NPHP4: variants seen among roughly 807,000 people sequenced by gnomAD.
The protein encoded by NPHP4 is nephrocystin 4.
NPHP4 carries 151 observed loss-of-function variants against 155.8 expected under a neutral mutation model. The ratio of observed to expected loss-of-function variants is 0.97; its 90% CI spans 0.85 to 1.11. The LOEUF (loss-of-function observed/expected upper bound fraction) is 1.11. NPHP4 is among the 50% of genes least tolerant of loss of function. The probability of loss-of-function intolerance (pLI) is 0.00; values close to 1 mark genes in which losing one functional copy is unlikely to be tolerated. For synonymous variants in NPHP4, 845 were observed against 816.8 expected, an observed-to-expected ratio of 1.03 and a Z score of -0.59; for missense variants, 1,956 against 1,925.7, an observed-to-expected ratio of 1.02 and a Z score of -0.29.
chr1:5,982,390 C>A (rs1010782427), intron 2 of NPHP4, among the ~76,000 whole-genome samples: 1 of 152,202 alleles, frequency 6.6e-6, no homozygotes, highest in African/African-American at 2.4e-5. Flanking sequence ...CTAGAAGCAA[C>A]AGGCTATACC....
At chr1:5,938,477 A>G (rs774830759) in intron 9 of NPHP4, among the ~76,000 whole-genome samples, 6 of 152,186 alleles carry the variant, frequency 3.9e-5, no homozygotes, top group Non-Finnish European at 5.9e-5. Context: ...CAGTCCTCAA[A>G]TCGGATCCAG....
At chr1:5,907,719 A>G (rs1644982384) in intron 12 of NPHP4, among the ~76,000 whole-genome samples, 1 of 152,078 alleles carries the variant, frequency 6.6e-6, no homozygotes, top group Non-Finnish European at 1.5e-5. Flanking sequence ...GAGTGCCCGC[A>G]CCAATGTGGC....
chr1:5,924,571 C>T (rs879690606), intron 11 of NPHP4, among the ~76,000 whole-genome samples: 5 of 152,178 alleles, frequency 3.3e-5, no homozygotes, highest in African/African-American at 1.2e-4. Context: ...GCAGGATCAG[C>T]CCATCAGAGT....
intron 2 of NPHP4, among the ~76,000 whole-genome samples, chr1:5,981,299 T>C (rs960459827): frequency 1.4e-4 from 22 of 152,164 alleles, no homozygotes; most frequent in African/African-American, 5.3e-4. Flanking sequence ...CTACTTCACA[T>C]CCAGTCTATT....
At chr1:5,941,361 T>C (rs970454343) in intron 9 of NPHP4, among the ~76,000 whole-genome samples, 1 of 147,836 alleles carries the variant, frequency 6.8e-6, no homozygotes, top group Non-Finnish European at 1.5e-5. Context: ...TGAATTCCTC[T>C]ATGACTGGGG....
At chr1:5,874,745 CAG>C (rs1234688487) in intron 21 of NPHP4, 88 bp from the exon 22 acceptor site, 9 of 1,526,604 alleles carry the variant, frequency 5.9e-6, no homozygotes, top group African/African-American at 1.4e-5. Flanking sequence ...GAGCGGTGCT[CAG>C]AGGAGTGGGA....
chr1:5,927,755 GAAC>G lies in NPHP4; in HGVS notation c.1332_1334del (p.Phe445del). 6.2e-7 allele frequency: 1 copy of G among 1,613,096 alleles called. No homozygotes were observed. Among genetic ancestry groups the G allele is most frequent in the Non-Finnish European group, 8.5e-7 (1 of 1,179,234 alleles). ...GTTCTTCTGAGCCCAGCGAGAACTG[GAAC>G]CGGAGTGTACCCGACTCCACCTGCT... On this transcript the variant is annotated inframe_deletion, in exon 11 of 30. Transcript: ENST00000378156.
intron 9 of NPHP4, among the ~76,000 whole-genome samples, chr1:5,937,150 C>A (rs1345977279): frequency 2.0e-5 from 3 of 152,302 alleles, no homozygotes; most frequent in East Asian, 3.9e-4. Context: ...AGGAGCTCGG[C>A]CCGCCACACC....
intron 16 of NPHP4, among the ~76,000 whole-genome samples, chr1:5,902,374 G>C (rs767480552): frequency 6.6e-6 from 1 of 151,702 alleles, no homozygotes; most frequent in Non-Finnish European, 1.5e-5. Flanking sequence ...GCGCCAGTGG[G>C]CACAGCTGGC....
intron 11 of NPHP4, among the ~76,000 whole-genome samples, chr1:5,926,206 G>GA (rs1645996952): frequency 6.6e-6 from 1 of 151,992 alleles, no homozygotes; most frequent in Non-Finnish European, 1.5e-5. Context: ...TTCAAACACT[G>GA]AAAAAACAAA....
At chr1:5,926,744 C>T (rs1226723558) in intron 11 of NPHP4, among the ~76,000 whole-genome samples, 1 of 152,198 alleles carries the variant, frequency 6.6e-6, no homozygotes, top group Non-Finnish European at 1.5e-5. Flanking sequence ...GGACTTGGGG[C>T]CATAGCCGAG....
At chr1:5,955,642 CAGAA>C (rs1302204587) in intron 6 of NPHP4, among the ~76,000 whole-genome samples, 1 of 152,244 alleles carries the variant, frequency 6.6e-6, no homozygotes, top group African/African-American at 2.4e-5. Context: ...AAGCCAAGCA[CAGAA>C]AGACAAATAC....
chr1:5,986,410 T>C, intron 1 of NPHP4, 83 bp from the exon 2 acceptor site: 1 of 1,142,866 alleles, frequency 8.7e-7, no homozygotes, highest in Non-Finnish European at 1.2e-6. Flanking sequence ...TGCCTCCCAC[T>C]AAATCCCAGA....
chr1:5,883,622 G>A (rs1219829832), intron 18 of NPHP4, among the ~76,000 whole-genome samples: 1 of 152,210 alleles, frequency 6.6e-6, no homozygotes, highest in Non-Finnish European at 1.5e-5. Flanking sequence ...GGGCTGCAGT[G>A]GGTTCATCCT....
intron 16 of NPHP4, among the ~76,000 whole-genome samples, chr1:5,891,809 G>A (rs1644141803): frequency 6.6e-6 from 1 of 152,236 alleles, no homozygotes; most frequent in Non-Finnish European, 1.5e-5. Context: ...CCCAAGCCAG[G>A]CTGAAATTTG....
chr1:5,940,178 G>A (rs1461583711), intron 9 of NPHP4, among the ~76,000 whole-genome samples: 1 of 152,216 alleles, frequency 6.6e-6, no homozygotes, highest in Non-Finnish European at 1.5e-5. Flanking sequence ...GGAGCCTCAT[G>A]AGAGGTGGTG....
intron 26 of NPHP4, 48 bp downstream of exon 26, chr1:5,866,325 T>A: frequency 7.9e-7 from 1 of 1,263,034 alleles, no homozygotes; most frequent in Admixed American, 1.9e-5. Context: ...GCCTGCCTCC[T>A]CCTCTCCTCC....
rs529794465 is a variant in NPHP4 at position 5,939,086 on chromosome 1, C to T, written c.1120-5757G>A. 4.6e-5 allele frequency among the ~76,000 whole-genome samples: 7 copies of T among 152,218 alleles called. No individual in the cohort carries two copies. The South Asian group carries it at 8.3e-4, about 18-fold the overall frequency. ...ATAATAAAAGTGAGATACTTCATGGCAAAGCTGCCGCAGGATAAACATTGC... is the reference window on the plus strand; with the variant it reads ...ATAATAAAAGTGAGATACTTCATGGTAAAGCTGCCGCAGGATAAACATTGC... On this transcript the variant is annotated intron_variant, in intron 9 of 29. Coordinates refer to ENST00000378156, the MANE Select transcript of NPHP4 (RefSeq NM_015102.5).
At chr1:5,870,841 C>T (rs942358366) in intron 23 of NPHP4, among the ~76,000 whole-genome samples, 2 of 152,212 alleles carry the variant, frequency 1.3e-5, no homozygotes, top group African/African-American at 2.4e-5. Flanking sequence ...GCAGGATAAC[C>T]GCCTGTGCAC....
Sources: allele counts gnomAD v4.1 joint callset (sites outside exome capture counted in the v4.1 genomes callset), GRCh38; gene constraint gnomAD v4.1.1; transcripts MANE v1.5; gene names NCBI Gene and HGNC (gene_info 2026-07-23, HGNC 2026-07-21).